BCL2L13: variants seen among roughly 807,000 people sequenced by gnomAD.
The protein encoded by BCL2L13 is bcl-2-like protein 13.
In BCL2L13, 13 loss-of-function variants were observed where a neutral mutation model predicts 25.8. The observed-to-expected ratio is 0.50, with a 90% CI of 0.33 to 0.80. BCL2L13 has a LOEUF of 0.80. Among genes scored for constraint, BCL2L13 ranks in the 30% least tolerant of loss-of-function variants. The pLI, the probability that BCL2L13 is intolerant of heterozygous loss-of-function variation, is 0.02. For missense variants in BCL2L13, 504 were observed against 574.9 expected (o/e 0.88, Z 1.26); for synonymous variants, 244 against 230.3 (o/e 1.06, Z -0.54).
At chr22:17,703,992 T>A (rs2060517411) in intron 6 of BCL2L13, among the ~76,000 whole-genome samples, 1 of 152,246 alleles carries the variant, frequency 6.6e-6, no homozygotes, top group Non-Finnish European at 1.5e-5. Flanking sequence ...AAGGTTTGTT[T>A]GGTGATTGTA....
At chr22:17,646,178 G>A (rs1267725609) in intron 1 of BCL2L13, among the ~76,000 whole-genome samples, 1 of 151,440 alleles carries the variant, frequency 6.6e-6, no homozygotes, top group African/African-American at 2.5e-5. Context: ...AAAGATTAAG[G>A]CACAGAAAGA....
chr22:17,688,237 A>T (rs1174768514), intron 3 of BCL2L13, among the ~76,000 whole-genome samples: 1 of 152,232 alleles, frequency 6.6e-6, no homozygotes, highest in Non-Finnish European at 1.5e-5. Context: ...GATTACAGGC[A>T]TGAGTCACTG....
chr22:17,688,983 C>T lies in BCL2L13; in HGVS notation c.230-3C>T. The stretch of plus-strand genomic sequence containing the variant: ...TTAGGTTTTTCTTTTGTCCTATCTT[C>T]AGCCTTCACCAGCACAGGCTTTGAC... On this transcript the variant is annotated splice_region_variant and splice_polypyrimidine_tract_variant and intron_variant, in intron 3 of 6. Transcript: ENST00000317582. 1 of 1,610,264 alleles carries T rather than the reference C, an allele frequency of 6.2e-7. No homozygotes were observed. The highest frequency in any genetic ancestry group is 8.5e-7 in the Non-Finnish European group (1 of 1,178,808).
intron 5 of BCL2L13, among the ~76,000 whole-genome samples, chr22:17,701,215 C>A (rs1304286459): frequency 6.6e-6 from 1 of 152,034 alleles, no homozygotes; most frequent in Non-Finnish European, 1.5e-5. Flanking sequence ...TTATGTTTGA[C>A]TTTTGATGAG....
At chr22:17,708,247 A>G (rs2060646567) in intron 6 of BCL2L13, among the ~76,000 whole-genome samples, 1 of 152,174 alleles carries the variant, frequency 6.6e-6, no homozygotes, top group African/African-American at 2.4e-5. Context: ...CTATCTATGA[A>G]TACTTCTGGC....
intron 6 of BCL2L13, chr22:17,706,971 T>C: frequency 5.2e-6 from 3 of 573,016 alleles, no homozygotes; most frequent in Non-Finnish European, 7.8e-6. Flanking sequence ...TTAATCTTTG[T>C]CATTTTCTCT....
At chr22:17,657,823 CTTTTTT>C (rs71201859) in intron 2 of BCL2L13, among the ~76,000 whole-genome samples, 5 of 85,756 alleles carry the variant, frequency 5.8e-5, no homozygotes, top group African/African-American at 8.9e-5. Flanking sequence ...GTTGACATTT[CTTTTTT>C]TTTTTTTTTT....
rs1478715009 is a variant in BCL2L13 at position 17,729,748 on chromosome 22, G to T, written c.*2214G>T. 6.6e-6 allele frequency: 1 copy of T among 152,184 alleles called. No individual in the cohort carries two copies. Among genetic ancestry groups the T allele is most frequent in the African/African-American group, 2.4e-5 (1 of 41,428 alleles). The allele number at this position is 152,184 out of a possible 1,614,324, so 9.4% of individuals were successfully genotyped here. On this transcript the variant is annotated 3_prime_UTR_variant, in exon 7 of 7. Coordinates refer to ENST00000317582, the MANE Select transcript of BCL2L13 (RefSeq NM_015367.4). The stretch of plus-strand genomic sequence containing the variant: ...GTTAGACATTCCTCCACAGTGATTT[G>T]GCCAGTTGTATTTCACGGTAATGGA...
intron 1 of BCL2L13, among the ~76,000 whole-genome samples, chr22:17,631,692 ATATATATATATATATTTTTTTTTT>A (rs2058027452): frequency 8.7e-5 from 5 of 57,578 alleles, no homozygotes; most frequent in Admixed American, 2.8e-4. Context: ...ATATATATAT[ATATATATATATATATTTTTTTTTT>A]TTTTTTTTTT....
upstream of BCL2L13, among the ~76,000 whole-genome samples, chr22:17,637,037 C>T (rs1301279846): frequency 6.6e-6 from 1 of 152,156 alleles, no homozygotes; most frequent in Non-Finnish European, 1.5e-5. Context: ...CTTTGGGAGG[C>T]TGAGGCAGGC....
At position 17,729,075 on chromosome 22, in the gene BCL2L13, T is replaced by C. The variant is rs1393651023; in HGVS notation, c.*1541T>C. ...CATCTTAGATTTATCTTAGTAAATG[T>C]AATAAATTATTTTTTAGATCTTGAA... On this transcript the variant is annotated 3_prime_UTR_variant, in exon 7 of 7. Coordinates refer to ENST00000317582, the MANE Select transcript of BCL2L13 (RefSeq NM_015367.4). The C allele has an allele frequency of 6.6e-6, 1 of 152,274 alleles. No homozygotes were observed. The highest frequency in any genetic ancestry group is 1.5e-5 in the Non-Finnish European group (1 of 68,050). The allele number at this position is 152,274 out of a possible 1,614,324, so 9.4% of individuals were successfully genotyped here.
intron 1 of BCL2L13, among the ~76,000 whole-genome samples, chr22:17,648,158 T>C (rs1229580664): frequency 6.6e-6 from 1 of 151,878 alleles, no homozygotes; most frequent in Non-Finnish European, 1.5e-5. Context: ...CATTGTGCAA[T>C]ATACTTATTA....
intron 3 of BCL2L13, among the ~76,000 whole-genome samples, chr22:17,683,980 C>A (rs146624888): frequency 0.01 from 1,566 of 151,680 alleles, 9 homozygotes; most frequent in Admixed American, 0.015. Flanking sequence ...TGGCCTGTTC[C>A]CTTGTTATTG....
At chr22:17,639,501 T>C (rs1423743217) in intron 1 of BCL2L13, among the ~76,000 whole-genome samples, 1 of 152,198 alleles carries the variant, frequency 6.6e-6, no homozygotes, top group Non-Finnish European at 1.5e-5. Context: ...TTTCTTGCCT[T>C]CATAACCGAC....
At chr22:17,658,289 T>C (rs908095941) in intron 2 of BCL2L13, among the ~76,000 whole-genome samples, 1 of 152,184 alleles carries the variant, frequency 6.6e-6, no homozygotes, top group Non-Finnish European at 1.5e-5. Flanking sequence ...ATGTATGTAT[T>C]ATATACACAT....
chr22:17,666,678 CTTTTT>C (rs35623813), intron 2 of BCL2L13, among the ~76,000 whole-genome samples: 3 of 121,398 alleles, frequency 2.5e-5, no homozygotes, highest in Non-Finnish European at 3.3e-5. Context: ...GGACCTCATT[CTTTTT>C]TTTTTTTTTT....
At chr22:17,642,697 G>A (rs4819460) in intron 1 of BCL2L13, among the ~76,000 whole-genome samples, 21,172 of 151,592 alleles carry the variant, frequency 0.14, 2,022 homozygotes, top group Non-Finnish European at 0.21. Flanking sequence ...GGGTTTAAGC[G>A]ATTCTCCTGC....
At chr22:17,693,247 GTGGTAGC>G (rs1464895294) in intron 4 of BCL2L13, among the ~76,000 whole-genome samples, 2 of 151,302 alleles carry the variant, frequency 1.3e-5, no homozygotes, top group Admixed American at 1.3e-4. Flanking sequence ...CTACCAGTAA[GTGGTAGC>G]TATTATCAAT....
intron 1 of BCL2L13, among the ~76,000 whole-genome samples, chr22:17,646,152 T>A (rs568562503): frequency 6.6e-6 from 1 of 151,596 alleles, no homozygotes; most frequent in South Asian, 2.1e-4. Context: ...TGAAACTTAA[T>A]AGAGGAACAA....
Sources: allele counts gnomAD v4.1 joint callset (sites outside exome capture counted in the v4.1 genomes callset), GRCh38; gene constraint gnomAD v4.1.1; transcripts MANE v1.5; gene names NCBI Gene and HGNC (gene_info 2026-07-23, HGNC 2026-07-21).